Variants in HGS observed in about 807,000 individuals in gnomAD.
The protein encoded by HGS is hepatocyte growth factor-regulated tyrosine kinase substrate.
HGS carries 63 observed loss-of-function variants against 109.7 expected under a neutral mutation model. The observed-to-expected ratio is 0.57, with a 90% CI of 0.47 to 0.71. HGS has a LOEUF of 0.71. Ranked by LOEUF, HGS falls within the 30% of genes least tolerant of loss-of-function variation. The pLI is 0.00. For missense variants in HGS, 995 were observed against 1,068.3 expected, an observed-to-expected ratio of 0.93 and a Z score of 0.96; for synonymous variants, 546 against 437.3, an observed-to-expected ratio of 1.25 and a Z score of -3.10.
chr17:81,700,388 A>C, intron 18 of HGS, 79 bp from the exon 19 acceptor site: 1 of 1,362,722 alleles, frequency 7.3e-7, no homozygotes, highest in Non-Finnish European at 9.9e-7. Context: ...AAAAAAAAGT[A>C]AAACTCAAGA....
intron 18 of HGS, among the ~76,000 whole-genome samples, chr17:81,699,998 C>G (rs559577626): frequency 6.6e-6 from 1 of 151,212 alleles, no homozygotes; most frequent in Non-Finnish European, 1.5e-5. Flanking sequence ...TTGCTTCAAC[C>G]CAGGAAGCAG....
rs2037021970 is a variant in HGS, at chr17:81,688,805, C to T, written c.393C>T (p.Thr131=). The T allele has an allele frequency of 3.1e-6, 5 of 1,614,152 alleles. No homozygotes were observed. Among genetic ancestry groups the T allele is most frequent in the Non-Finnish European group, 3.4e-6 (4 of 1,180,008 alleles). The change falls in exon 5 of 22, where the codon ACC becomes ACT. Residue 131 remains threonine (T), a synonymous_variant. Transcript: ENST00000329138. ...CCAAGTACAAGGTGGTCCAGGACAC[C>T]TACCAGATCATGAAGGTGGAGGGTG... ...NEPKYKVVQD[T]YQIMKVEGHV... is the part of the protein sequence containing the mutation.
In HGS at chr17:81,691,732, C is replaced by A; in HGVS notation, c.662+161C>A. ...GAAACCCAGGGTGGCCGCATGCCCT[C>A]GGACCCTGCCCCACACTAGGGCAGG... On this transcript the variant is annotated intron_variant, in intron 8 of 21. Coordinates refer to ENST00000329138, the MANE Select transcript of HGS (RefSeq NM_004712.5). The surrounding 1 kb of genome is among the most constrained non-coding windows in gnomAD (Gnocchi z 5.3). The A allele has an allele frequency of 1.2e-6, 1 of 849,632 alleles. No homozygotes were observed. 52.6% of individuals were successfully genotyped at this position (849,632 alleles called of 1,614,324 possible). A position where few individuals can be genotyped will look rare whatever the true frequency, so the allele number is the denominator to read the frequency against.
chr17:81,700,419 C>G, intron 18 of HGS, 48 bp from the exon 19 acceptor site: 1 of 1,496,708 alleles, frequency 6.7e-7, no homozygotes, highest in Middle Eastern at 1.8e-4. Flanking sequence ...CCTTCCTCTC[C>G]TCCCTGTTGC....
At chr17:81,684,371 G>T (rs1029490135) in intron 1 of HGS, 2 of 343,816 alleles carry the variant, frequency 5.8e-6, no homozygotes, top group Non-Finnish European at 1.0e-5. Flanking sequence ...TCCTCCGCGG[G>T]CCCGGGCATT....
At position 81,696,904 on chromosome 17, in the gene HGS, C is replaced by G; in HGVS notation, c.1788C>G (p.Ala596=). The G allele has an allele frequency of 6.2e-7, 1 of 1,609,278 alleles. No homozygotes were observed. Among genetic ancestry groups the G allele is most frequent in the Non-Finnish European group, 8.5e-7 (1 of 1,179,814 alleles). Residue 596 remains alanine, a synonymous_variant, in exon 18 of 22, where the codon GCC becomes GCG. Coordinates refer to ENST00000329138, the MANE Select transcript of HGS (RefSeq NM_004712.5). ...GCTTCCCCAGCACCTTCAGCCCTGCCGGCTCGGTGGAGGGCTCCCCAATGC... is the reference window on the plus strand; with the variant it reads ...GCTTCCCCAGCACCTTCAGCCCTGCGGGCTCGGTGGAGGGCTCCCCAATGC... ...PASFPSTFSP[A]GSVEGSPMHG... is the part of the protein sequence containing the mutation.
At chr17:81,694,881 TCA>T (rs201633705) in intron 12 of HGS, 28 bp downstream of exon 12, 19,334 of 1,614,248 alleles carry the variant, frequency 0.012, 176 homozygotes, top group Non-Finnish European at 0.014. Context: ...GTGCATCCTC[TCA>T]CGGTTTCTGG....
At chr17:81,698,502 G>A (rs1185866961) in intron 18 of HGS, 1 of 152,170 alleles carries the variant, frequency 6.6e-6, no homozygotes, top group African/African-American at 2.4e-5. Flanking sequence ...TAGGGCCATT[G>A]GTTTGGGTTG....
chr17:81,692,235 G>T (rs141624681), intron 8 of HGS: 1 of 152,334 alleles, frequency 6.6e-6, no homozygotes, highest in Non-Finnish European at 1.5e-5. Context: ...CCTGGGTTGC[G>T]TGTGTTTCGT....
In HGS at chr17:81,691,875, A is replaced by G; in HGVS notation, c.662+304A>G. 1 of 297,244 alleles carries G rather than the reference A, an allele frequency of 3.4e-6. No homozygotes were observed. The highest frequency in any genetic ancestry group is 6.5e-6 in the Non-Finnish European group (1 of 153,850). The allele number at this position is 297,244 out of a possible 1,614,324, so 18.4% of individuals were successfully genotyped here. On this transcript the variant is annotated intron_variant, in intron 8 of 21. Coordinates refer to ENST00000329138, the MANE Select transcript of HGS (RefSeq NM_004712.5). The surrounding 1 kb of genome is among the most constrained non-coding windows in gnomAD (Gnocchi z 5.3). Reference sequence around the variant, plus strand: ...CAACTTTCGGAATAAAACTTACAGAAAAGTTGCAAGAGTAGCACAGAGAAG... The same window carrying G: ...CAACTTTCGGAATAAAACTTACAGAGAAGTTGCAAGAGTAGCACAGAGAAG...
Position 81,696,030 on chromosome 17 carries a change from A to G in HGS, c.1393+31A>G, listed in dbSNP as rs770786091. On this transcript the variant is annotated intron_variant, in intron 15 of 21. Coordinates refer to ENST00000329138, the MANE Select transcript of HGS (RefSeq NM_004712.5). ...TGCCCGCGCCACGGGGCCTCGGCTC[A>G]GGGGCAGCCAGGTGTTGTGAGCGCC... The G allele has an allele frequency of 7.3e-6, 11 of 1,510,112 alleles. No homozygotes were observed. In the East Asian group the frequency reaches 9.1e-5, roughly 13 times the overall value. 93.5% of individuals were successfully genotyped at this position (1,510,112 alleles called of 1,614,324 possible).
At chr17:81,688,876 G>T in intron 5 of HGS, 49 bp downstream of exon 5, 2 of 1,611,886 alleles carry the variant, frequency 1.2e-6, no homozygotes, top group South Asian at 1.1e-5. Flanking sequence ...GAACTGCTGG[G>T]CAGTCAGGCT....
In HGS at chr17:81,696,655, CAGG is replaced by C. The variant is rs780049476; in HGVS notation, c.1618_1620del (p.Glu540del). On this transcript the variant is annotated inframe_deletion, in exon 17 of 22. Transcript: ENST00000329138. ...GCTGGCCATCCAGCGCCTGCAGGAG[CAGG>C]AGAAGGAGCGGCAGATGCGGCTGGA... 14 of 1,611,990 alleles carry C rather than the reference CAGG, an allele frequency of 8.7e-6. No homozygotes were observed. The highest frequency in any genetic ancestry group is 1.2e-5 in the Non-Finnish European group (14 of 1,179,536).
At position 81,696,421 on chromosome 17, in the gene HGS, C is replaced by T. The variant is rs1415102696; in HGVS notation, c.1458C>T (p.Ala486=). The change falls in exon 16 of 22, where the codon GCC becomes GCT. Residue 486 remains alanine, a synonymous_variant. Coordinates refer to ENST00000329138, the MANE Select transcript of HGS (RefSeq NM_004712.5). ...QIRDARGALS[A]LREEHREKLR... The stretch of plus-strand genomic sequence containing the variant: ...GCGATGCCCGGGGGGCGCTGAGTGC[C>T]CTGCGCGAAGAGCACCGGGAGAAGC... 1.2e-5 allele frequency: 19 copies of T among 1,576,990 alleles called. No homozygotes were observed. The highest frequency in any genetic ancestry group is 1.6e-5 in the Non-Finnish European group (19 of 1,164,256).
At chr17:81,686,960 C>T (rs924461610) in intron 3 of HGS, 43 bp from the exon 4 acceptor site, 1 of 1,526,404 alleles carries the variant, frequency 6.6e-7, no homozygotes, top group Admixed American at 1.7e-5. Flanking sequence ...AGGGGCCCTG[C>T]CCTGACCACT....
intron 14 of HGS, 82 bp from the exon 15 acceptor site, chr17:81,695,704 C>T (rs878856963): frequency 1.6e-6 from 2 of 1,229,674 alleles, no homozygotes; most frequent in South Asian, 1.2e-5. Flanking sequence ...TTGAGTATAG[C>T]TGGGTGCCTC....
In HGS at chr17:81,685,607, A is replaced by G; in HGVS notation, c.40A>G (p.Lys14Glu). ...GSGTFERLLDKATSQLLLETD... is the reference protein window; with the variant it reads ...GSGTFERLLDEATSQLLLETD... ...TTTCATGGCATTTTCTCTCTCAGAC[A>G]AGGCGACCAGCCAGCTCCTGTTGGA... Residue 14 changes from lysine (K) to glutamate (E), a missense_variant and splice_region_variant, in exon 2 of 22, where the codon AAG becomes GAG. Physicochemically the swap from Lys to Glu is moderately conservative, Grantham distance 56 (BLOSUM62 1). Around this residue, in one of 6 missense-constraint regions of HGS, gnomAD observed 23 missense variants for 25.4 expected, o/e 0.91. Transcript: ENST00000329138. 6.2e-7 allele frequency: 1 copy of G among 1,608,674 alleles called. No homozygotes were observed. Among genetic ancestry groups the G allele is most frequent in the Non-Finnish European group, 8.5e-7 (1 of 1,177,378 alleles).
At chr17:81,700,640 C>T (rs749126695) in intron 19 of HGS, 40 bp downstream of exon 19, 1 of 1,537,828 alleles carries the variant, frequency 6.5e-7, no homozygotes, top group South Asian at 1.2e-5. Flanking sequence ...AGGGCCAGCC[C>T]CAGCCCCAGC....
chr17:81,701,740 G>C lies in HGS; in HGVS notation c.*122G>C, dbSNP rs1166824107. 5.7e-6 allele frequency: 8 copies of C among 1,399,658 alleles called. No individual in the cohort carries two copies. Among genetic ancestry groups the C allele is most frequent in the Non-Finnish European group, 7.6e-6 (8 of 1,058,090 alleles). The allele number at this position is 1,399,658 out of a possible 1,614,324, so 86.7% of individuals were successfully genotyped here. On this transcript the variant is annotated 3_prime_UTR_variant, in exon 22 of 22. Transcript: ENST00000329138. ...CCGGTAGTGTCCCTTCTCTGCGAGT[G>C]AGGGGGGGCCTTCACCCCAAGCCCA...
Sources: allele counts gnomAD v4.1 joint callset (sites outside exome capture counted in the v4.1 genomes callset), GRCh38; gene constraint gnomAD v4.1.1; regional missense constraint gnomAD v4.1.1; non-coding constraint Gnocchi (gnomAD v3.1); transcripts MANE v1.5; gene names NCBI Gene and HGNC (gene_info 2026-07-23, HGNC 2026-07-21).